The following SPHKAP variants were observed in gnomAD, a reference collection of about 807,000 sequenced individuals.
SPHKAP encodes the protein SPHK1 interactor, AKAP domain containing.
SPHKAP carries 67 observed loss-of-function variants against 137.5 expected under a neutral mutation model. That is an observed-to-expected ratio of 0.49 (90% confidence interval 0.40 to 0.60). The LOEUF is 0.60. Among genes scored for constraint, SPHKAP ranks in the 20% least tolerant of loss-of-function variants. The pLI is 0.00. For missense variants in SPHKAP, 2,097 were observed against 2,069.3 expected, an observed-to-expected ratio of 1.01 and a Z score of -0.26; for synonymous variants, 813 against 785.3, an observed-to-expected ratio of 1.04 and a Z score of -0.59.
At chr2:228,171,154 A>G (rs938726026) in intron 1 of SPHKAP, among the ~76,000 whole-genome samples, 1 of 152,180 alleles carries the variant, frequency 6.6e-6, no homozygotes, top group Non-Finnish European at 1.5e-5. Flanking sequence ...GTACCAGAAC[A>G]TTTCAAGTGC....
intron 3 of SPHKAP, among the ~76,000 whole-genome samples, chr2:228,034,353 A>G (rs1423747439): frequency 6.6e-6 from 1 of 152,244 alleles, no homozygotes; most frequent in Non-Finnish European, 1.5e-5. Context: ...CTCTGAGTAG[A>G]GCAATAACAG....
intron 3 of SPHKAP, among the ~76,000 whole-genome samples, chr2:228,102,996 CA>C (rs1175199475): frequency 3.3e-5 from 5 of 152,200 alleles, no homozygotes; most frequent in Non-Finnish European, 4.4e-5. Flanking sequence ...CCTTCTGCCT[CA>C]GCCTCCCAAA....
rs563887852 is a variant in SPHKAP at position 228,077,337 on chromosome 2, C to T, written c.246+31495G>A. 1.2e-4 allele frequency among the ~76,000 whole-genome samples: 18 copies of T among 152,284 alleles called. No homozygotes were observed. In the East Asian group the frequency reaches 2.7e-3, roughly 23 times the overall value. ...CTGTCCACGGACAGCTTGCACTGTG[C>T]ACCTGGAAAAGCCGCAGACACTCAA... On this transcript the variant is annotated intron_variant, in intron 3 of 11. Transcript: ENST00000392056.
chr2:228,105,976 C>A (rs768361003), intron 3 of SPHKAP, among the ~76,000 whole-genome samples: 37 of 152,198 alleles, frequency 2.4e-4, no homozygotes, highest in Non-Finnish European at 4.9e-4. Context: ...CTGAGCCAGA[C>A]TTCCTGGATA....
chr2:228,143,664 CTTTTTTTTTT>C (rs35440451), intron 1 of SPHKAP, among the ~76,000 whole-genome samples: 1 of 97,426 alleles, frequency 1.0e-5, no homozygotes, highest in Non-Finnish European at 2.1e-5. Context: ...AAACACCTGG[CTTTTTTTTTT>C]TTTTTTTTTT....
rs565088798 is a variant in SPHKAP, at chr2:228,117,540, G to T, written c.139-8601C>A. Among the ~76,000 whole-genome samples, 4 of 152,280 alleles carry T rather than the reference G, an allele frequency of 2.6e-5. No homozygotes were observed. The East Asian group carries it at 5.8e-4, about 22-fold the overall frequency. On this transcript the variant is annotated intron_variant, in intron 2 of 11. Coordinates refer to ENST00000392056, the MANE Select transcript of SPHKAP (RefSeq NM_001142644.2). ...TGAATGGTGAAAATGGAGAAGAGAT[G>T]ATTGGAATGAAGGCAAGTACTAAGA...
chr2:228,093,238 T>C (rs191962513), intron 3 of SPHKAP, among the ~76,000 whole-genome samples: 13 of 152,328 alleles, frequency 8.5e-5, no homozygotes, highest in African/African-American at 3.1e-4. Context: ...GGCAGTTACA[T>C]ATAGAGTTAC....
chr2:228,080,140 TA>T (rs1049088467), intron 3 of SPHKAP, among the ~76,000 whole-genome samples: 1 of 151,706 alleles, frequency 6.6e-6, no homozygotes, highest in Non-Finnish European at 1.5e-5. Flanking sequence ...TACATCAAAC[TA>T]AAAAGCTTCT....
At chr2:228,079,565 C>T (rs116387535) in intron 3 of SPHKAP, among the ~76,000 whole-genome samples, 6 of 152,346 alleles carry the variant, frequency 3.9e-5, no homozygotes, top group African/African-American at 1.4e-4. Flanking sequence ...CATCACTGGG[C>T]CAACCTTTGT....
At chr2:228,087,225 G>A (rs1296867406) in intron 3 of SPHKAP, among the ~76,000 whole-genome samples, 1 of 152,090 alleles carries the variant, frequency 6.6e-6, no homozygotes, top group Non-Finnish European at 1.5e-5. Flanking sequence ...CTGCATTGGG[G>A]AAATAGACTT....
At position 228,041,712 on chromosome 2, in the gene SPHKAP, G is replaced by C. The variant is rs1695857475; in HGVS notation, c.247-14169C>G. On this transcript the variant is annotated intron_variant, in intron 3 of 11. Coordinates refer to ENST00000392056, the MANE Select transcript of SPHKAP (RefSeq NM_001142644.2). Reference sequence around the variant, plus strand: ...ATTCTCTGAAATCTTATGATCACTAGAGGGTATAACCTTGTCTTAGAGTAA... The same window carrying C: ...ATTCTCTGAAATCTTATGATCACTACAGGGTATAACCTTGTCTTAGAGTAA... Among the ~76,000 whole-genome samples, 4 of 151,104 alleles carry C rather than the reference G, an allele frequency of 2.6e-5. No individual in the cohort carries two copies. The South Asian group carries it at 8.4e-4, about 32-fold the overall frequency.
intron 1 of SPHKAP, among the ~76,000 whole-genome samples, chr2:228,155,506 C>A (rs900831006): frequency 1.3e-5 from 2 of 152,080 alleles, no homozygotes; most frequent in African/African-American, 4.8e-5. Context: ...AGCCAAAGTT[C>A]AAGAAACTTT....
At chr2:228,103,017 G>C (rs1034951234) in intron 3 of SPHKAP, among the ~76,000 whole-genome samples, 1 of 152,060 alleles carries the variant, frequency 6.6e-6, no homozygotes, top group Non-Finnish European at 1.5e-5. Context: ...AGTGCTACGA[G>C]TACAGGTGTG....
At chr2:228,055,141 C>CAAAAAAAAAA (rs1559149608) in intron 3 of SPHKAP, among the ~76,000 whole-genome samples, 8 of 111,906 alleles carry the variant, frequency 7.1e-5, no homozygotes, top group Admixed American at 9.2e-5. Flanking sequence ...AAACTCCACT[C>CAAAAAAAAAA]CAAAAAAAAA....
rs754579575 is a variant in SPHKAP, at chr2:227,991,022, G to C, written c.4937C>G (p.Ser1646Cys). The change falls in exon 11 of 12, where the codon TCT (serine) becomes TGT (cysteine). Residue 1646 changes from serine (S) to cysteine (C), a missense_variant. By Grantham distance (112) the Ser-to-Cys change is moderately radical. Coordinates refer to ENST00000392056, the MANE Select transcript of SPHKAP (RefSeq NM_001142644.2). The stretch of plus-strand genomic sequence containing the variant: ...TACCTTTTCAATTCTGTTTTCCTGA[G>C]ATTTCTTAAAGTAGATGGTGGGAAT... ...LGIPTIYFKKSQENRIEKFLD... is the reference protein window; with the variant it reads ...LGIPTIYFKKCQENRIEKFLD... 1 of 1,613,942 alleles carries C rather than the reference G, an allele frequency of 6.2e-7. No homozygotes were observed. Among genetic ancestry groups the C allele is most frequent in the Non-Finnish European group, 8.5e-7 (1 of 1,179,972 alleles).
intron 3 of SPHKAP, among the ~76,000 whole-genome samples, chr2:228,076,686 A>G (rs1277298395): frequency 1.3e-5 from 2 of 152,218 alleles, no homozygotes; most frequent in Non-Finnish European, 2.9e-5. Context: ...GTACTGTTAA[A>G]GGCATTCAGT....
chr2:228,073,934 A>G (rs1487113110), intron 3 of SPHKAP, among the ~76,000 whole-genome samples: 3 of 152,218 alleles, frequency 2.0e-5, no homozygotes, highest in Admixed American at 1.3e-4. Flanking sequence ...GGACCAAAGA[A>G]AAACTCCCAA....
At chr2:228,167,178 T>A (rs1305533771) in intron 1 of SPHKAP, among the ~76,000 whole-genome samples, 1 of 152,208 alleles carries the variant, frequency 6.6e-6, no homozygotes, top group Non-Finnish European at 1.5e-5. Context: ...TGATAACAAC[T>A]TCTCTAGTTA....
chr2:228,135,750 T>C (rs200139154), intron 1 of SPHKAP, among the ~76,000 whole-genome samples: 2 of 152,208 alleles, frequency 1.3e-5, no homozygotes, highest in Admixed American at 6.6e-5. Context: ...TTGTTCATTG[T>C]TGTGAGTATT....
Sources: allele counts gnomAD v4.1 joint callset (sites outside exome capture counted in the v4.1 genomes callset), GRCh38; gene constraint gnomAD v4.1.1; transcripts MANE v1.5; gene names NCBI Gene and HGNC (gene_info 2026-07-23, HGNC 2026-07-21).